The following MACROD2 variants were observed in gnomAD, a reference collection of about 807,000 sequenced individuals.
The protein encoded by MACROD2 is mono-ADP ribosylhydrolase 2.
In MACROD2, 36 loss-of-function variants were observed where a neutral mutation model predicts 70.4. The ratio of observed to expected loss-of-function variants is 0.51; its 90% CI spans 0.39 to 0.68. MACROD2 has a LOEUF of 0.68. Ranked by LOEUF, MACROD2 falls within the 30% of genes least tolerant of loss-of-function variation. The pLI is 0.00. For synonymous variants in MACROD2, 172 were observed against 178.8 expected, an observed-to-expected ratio of 0.96 and a Z score of 0.30; for missense variants, 496 against 538.4, an observed-to-expected ratio of 0.92 and a Z score of 0.78.
chr20:14,402,838 C>G (rs1249773052), intron 3 of MACROD2, among the ~76,000 whole-genome samples: 2 of 152,120 alleles, frequency 1.3e-5, no homozygotes, highest in Non-Finnish European at 2.9e-5. Flanking sequence ...AGAATAGTTT[C>G]TTTTGCCAAA....
At chr20:14,241,543 C>T (rs2081929732) in intron 3 of MACROD2, among the ~76,000 whole-genome samples, 2 of 151,946 alleles carry the variant, frequency 1.3e-5, no homozygotes, top group Non-Finnish European at 1.5e-5. Context: ...GATACATATA[C>T]ATATAAGCAT....
intron 5 of MACROD2, among the ~76,000 whole-genome samples, chr20:14,696,696 C>T (rs1343322452): frequency 6.6e-6 from 1 of 152,136 alleles, no homozygotes. Context: ...TGAGACACAG[C>T]CTTAACTGGA....
chr20:15,409,133 A>G (rs2046043546), intron 6 of MACROD2, among the ~76,000 whole-genome samples: 1 of 152,140 alleles, frequency 6.6e-6, no homozygotes, highest in African/African-American at 2.4e-5. Flanking sequence ...CTGTGTACAA[A>G]TGGACACACT....
intron 15 of MACROD2, among the ~76,000 whole-genome samples, chr20:16,029,465 T>G (rs2067123599): frequency 1.3e-5 from 2 of 152,068 alleles, no homozygotes; most frequent in Non-Finnish European, 2.9e-5. Context: ...TCCTCCAAAC[T>G]TAACAATATG....
Position 13,995,559 on chromosome 20 carries a change from G to A in MACROD2, c.-205G>A. 1.5e-6 allele frequency: 1 copy of A among 653,282 alleles called. No homozygotes were observed. The highest frequency in any genetic ancestry group is 1.7e-5 in the South Asian group (1 of 57,228). 40.5% of individuals were successfully genotyped at this position (653,282 alleles called of 1,614,324 possible). On this transcript the variant is annotated 5_prime_UTR_variant, in exon 1 of 18. Transcript: ENST00000684519. The surrounding 1 kb of genome is among the most constrained non-coding windows in gnomAD (Gnocchi z 4.3). ...GCTGTGGCGGCGTCCGCGGGGCTGA[G>A]GCGGGTGGGAGCCGGAGCCGAGCGC...
chr20:15,812,071 G>A (rs117725491), intron 8 of MACROD2, among the ~76,000 whole-genome samples: 826 of 152,312 alleles, frequency 5.4e-3, no homozygotes, highest in Middle Eastern at 0.014. Flanking sequence ...ATGTCTGAAC[G>A]TTCTGCAATA....
chr20:15,774,265 C>A (rs1057470160), intron 8 of MACROD2, among the ~76,000 whole-genome samples: 1 of 152,102 alleles, frequency 6.6e-6, no homozygotes, highest in African/African-American at 2.4e-5. Flanking sequence ...AGGAAAGTAG[C>A]TATAAAGACT....
chr20:15,986,961 G>A, intron 14 of MACROD2, 105 bp from the exon 15 acceptor site: 2 of 1,186,918 alleles, frequency 1.7e-6, no homozygotes, highest in Non-Finnish European at 2.4e-6. Flanking sequence ...ATTGAAACTT[G>A]AAGGGGGAAA....
At chr20:14,121,357 C>T (rs1034818698) in intron 3 of MACROD2, among the ~76,000 whole-genome samples, 10 of 152,234 alleles carry the variant, frequency 6.6e-5, no homozygotes, top group African/African-American at 1.9e-4. Flanking sequence ...CAGAACCATG[C>T]GTAGGACCCT....
intron 8 of MACROD2, among the ~76,000 whole-genome samples, chr20:15,642,814 C>T (rs2049482888): frequency 6.6e-6 from 1 of 152,084 alleles, no homozygotes; most frequent in Non-Finnish European, 1.5e-5. Flanking sequence ...TCTGCCTTCA[C>T]GTTCCTCTCT....
rs1568567434 is a variant in MACROD2, at chr20:15,088,443, AT to A, written c.419-141496del. Among the ~76,000 whole-genome samples, 253 of 46,342 alleles carry A rather than the reference AT, an allele frequency of 5.5e-3. 3 individuals are homozygous for A. The highest frequency in any genetic ancestry group is 0.012 in the Middle Eastern group (1 of 84). The allele number at this position is 46,342 out of a possible 152,430, so 30.4% of individuals were successfully genotyped here. A position where few individuals can be genotyped will look rare whatever the true frequency, so the allele number is the denominator to read the frequency against. On this transcript the variant is annotated intron_variant, in intron 5 of 17. Transcript: ENST00000684519. ...TATATATATATATATATATATATAT[AT>A]ATATATAATATTTTGTGTGTGTGTG...
At chr20:15,841,869 C>T (rs2064174208) in intron 8 of MACROD2, among the ~76,000 whole-genome samples, 1 of 151,968 alleles carries the variant, frequency 6.6e-6, no homozygotes, top group Admixed American at 6.6e-5. Context: ...AATAGAGATG[C>T]AAAAAATTAA....
At position 15,334,288 on chromosome 20, in the gene MACROD2, C is replaced by T. The variant is rs148765344; in HGVS notation, c.541-97117C>T. Among the ~76,000 whole-genome samples, 755 of 149,894 alleles carry T rather than the reference C, an allele frequency of 5.0e-3. 32 individuals are homozygous for T. Among genetic ancestry groups the T allele is most frequent in the African/African-American group, 0.018 (705 of 40,104 alleles). ...TAATAACTTTCTAAGTTCTTTTTTT[C>T]CTCTATCATAGAGTTCCATTGGCCA... On this transcript the variant is annotated intron_variant, in intron 6 of 17. Transcript: ENST00000684519.
chr20:15,960,855 T>C (rs537945651), intron 12 of MACROD2, among the ~76,000 whole-genome samples: 1 of 152,206 alleles, frequency 6.6e-6, no homozygotes, highest in South Asian at 2.1e-4. Flanking sequence ...GTGGGGCACG[T>C]TGGCTACAAG....
At chr20:15,751,106 T>C (rs2051262617) in intron 8 of MACROD2, among the ~76,000 whole-genome samples, 1 of 151,910 alleles carries the variant, frequency 6.6e-6, no homozygotes, top group Non-Finnish European at 1.5e-5. Context: ...AGATATGATA[T>C]ATTACAAAAT....
intron 2 of MACROD2, among the ~76,000 whole-genome samples, chr20:14,039,891 A>G (rs1433624824): frequency 6.6e-6 from 1 of 151,946 alleles, no homozygotes; most frequent in East Asian, 1.9e-4. Context: ...AGAAATGGAT[A>G]TTTTATTTTT....
intron 2 of MACROD2, among the ~76,000 whole-genome samples, chr20:14,025,763 A>G (rs1040897513): frequency 1.3e-5 from 2 of 152,160 alleles, no homozygotes; most frequent in Non-Finnish European, 2.9e-5. Context: ...TTTACTTTCA[A>G]TTATGCGGTC....
intron 6 of MACROD2, among the ~76,000 whole-genome samples, chr20:15,339,228 A>G (rs2078081415): frequency 6.6e-6 from 1 of 151,906 alleles, no homozygotes; most frequent in Non-Finnish European, 1.5e-5. Context: ...TTATGAAAGC[A>G]TTTAGTATAT....
intron 5 of MACROD2, among the ~76,000 whole-genome samples, chr20:15,071,927 C>T (rs1274044672): frequency 6.6e-6 from 1 of 151,946 alleles, no homozygotes; most frequent in Admixed American, 6.6e-5. Flanking sequence ...GATTCTCATT[C>T]CACTTGTTAC....
Sources: gnomAD v4.1 joint callset for allele counts (sites outside exome capture counted in the v4.1 genomes callset) on GRCh38, gnomAD v4.1.1 for gene constraint, Gnocchi (gnomAD v3.1) non-coding constraint, MANE v1.5 for transcripts, NCBI Gene and HGNC (gene_info 2026-07-23, HGNC 2026-07-21) for gene names.